The following NFATC2 variants were observed in gnomAD, a reference collection of about 807,000 sequenced individuals.
NFATC2 encodes the protein nuclear factor of activated T-cells, cytoplasmic 2.
In NFATC2, 22 loss-of-function variants were observed where a neutral mutation model predicts 87.3. The ratio of observed to expected loss-of-function variants is 0.25; its 90% CI spans 0.18 to 0.36. The LOEUF (loss-of-function observed/expected upper bound fraction) is 0.36, where lower values mean the gene tolerates loss of function less well. Among genes scored for constraint, NFATC2 ranks in the 10% least tolerant of loss-of-function variants. The pLI is 1.00. For synonymous variants in NFATC2, 565 were observed against 542.2 expected (o/e 1.04, Z -0.58); for missense variants, 1,149 against 1,259.1 (o/e 0.91, Z 1.32).
intron 9 of NFATC2, 33 bp from the exon 10 acceptor site, chr20:51,398,763 G>GGA: frequency 8.0e-7 from 1 of 1,248,994 alleles, no homozygotes; most frequent in Non-Finnish European, 1.1e-6. Flanking sequence ...TTTTTGAGAA[G>GGA]AAAAAAAAAA....
chr20:51,452,315 G>C (rs1985900553), intron 6 of NFATC2, among the ~76,000 whole-genome samples: 1 of 152,100 alleles, frequency 6.6e-6, no homozygotes, highest in Non-Finnish European at 1.5e-5. Flanking sequence ...AGACTCCCCT[G>C]GTTCTCCTCC....
chr20:51,488,211 G>A (rs923735848), intron 3 of NFATC2, among the ~76,000 whole-genome samples: 11 of 152,186 alleles, frequency 7.2e-5, no homozygotes, highest in African/African-American at 2.7e-4. Flanking sequence ...GCTGAAGGCT[G>A]TCCTTCAGGA....
rs1989714978 is a variant in NFATC2, at chr20:51,486,421, C to T, written c.1333-10761G>A. 2.6e-5 allele frequency among the ~76,000 whole-genome samples: 4 copies of T among 152,276 alleles called. No individual in the cohort carries two copies. In the South Asian group the frequency reaches 8.3e-4, roughly 32 times the overall value. On this transcript the variant is annotated intron_variant, in intron 3 of 10. Coordinates refer to ENST00000371564, the MANE Select transcript of NFATC2 (RefSeq NM_012340.5). Reference sequence around the variant, plus strand: ...CTAGAACATTCTTCCCCTGGGTCTTCCCACAGCTGGTTCCTCCTGATCCTT... The same window carrying T: ...CTAGAACATTCTTCCCCTGGGTCTTTCCACAGCTGGTTCCTCCTGATCCTT...
chr20:51,505,459 GTA>G lies in NFATC2; in HGVS notation c.1332+11323_1332+11324del, dbSNP rs938401786. On this transcript the variant is annotated intron_variant, in intron 3 of 10. Coordinates refer to ENST00000371564, the MANE Select transcript of NFATC2 (RefSeq NM_012340.5). ...ATTGTATATATATGTGTAGGTGTGTGTATATATATATATATGAATATATATAA... is the reference window on the plus strand; with the variant it reads ...ATTGTATATATATGTGTAGGTGTGTGTATATATATATATGAATATATATAA... Among the ~76,000 whole-genome samples the G allele has an allele frequency of 3.3e-4, 36 of 108,348 alleles. 1 individual carries two copies. The highest frequency in any genetic ancestry group is 1.6e-3 in the East Asian group (6 of 3,650). 71.1% of individuals were successfully genotyped at this position (108,348 alleles called of 152,430 possible).
Position 51,387,077 on chromosome 20 carries a change from T to C in NFATC2, c.*4419A>G, listed in dbSNP as rs1316060912. The C allele has an allele frequency of 6.6e-6, 1 of 152,194 alleles. No homozygotes were observed. The highest frequency in any genetic ancestry group is 1.5e-5 in the Non-Finnish European group (1 of 68,030). The allele number at this position is 152,194 out of a possible 1,614,324, so 9.4% of individuals were successfully genotyped here. ...GAGATTAAAAACATTTGCATAGGAATGTGATGTATTCAAACGCCTTTAACA... is the reference window on the plus strand; with the variant it reads ...GAGATTAAAAACATTTGCATAGGAACGTGATGTATTCAAACGCCTTTAACA... On this transcript the variant is annotated 3_prime_UTR_variant, in exon 11 of 11. Transcript: ENST00000371564.
chr20:51,477,506 C>CAT (rs1024622710), intron 3 of NFATC2, among the ~76,000 whole-genome samples: 35 of 127,518 alleles, frequency 2.7e-4, no homozygotes, highest in African/African-American at 7.7e-4. Flanking sequence ...TATATATACA[C>CAT]ATATATATAT....
Position 51,553,843 on chromosome 20 carries a change from G to A in NFATC2, c.70+8717C>T, listed in dbSNP as rs866959051. On this transcript the variant is annotated intron_variant, in intron 1 of 10. Coordinates refer to the NFATC2 transcript ENST00000414705. ...GGGGCAGGGTGGGTAGGGCTGGTTC[G>A]TTAGGGGATAGAGTATTGGTTAATA... Among the ~76,000 whole-genome samples the A allele has an allele frequency of 2.6e-4, 39 of 152,086 alleles. 1 individual carries two copies. Among genetic ancestry groups the A allele is most frequent in the Middle Eastern group, 3.4e-3 (1 of 294 alleles).
chr20:51,460,724 C>T (rs528082264), intron 5 of NFATC2, among the ~76,000 whole-genome samples: 5 of 151,938 alleles, frequency 3.3e-5, no homozygotes, highest in African/African-American at 9.6e-5. Context: ...CCGCACGCCT[C>T]GCCCTCCCAA....
intron 2 of NFATC2, among the ~76,000 whole-genome samples, chr20:51,518,184 C>T (rs1377700353): frequency 6.6e-6 from 1 of 152,198 alleles, no homozygotes; most frequent in Admixed American, 6.5e-5. Flanking sequence ...TTTCTAACTG[C>T]TGTCCCTTCT....
chr20:51,408,512 T>TAAAAA (rs11480882), intron 9 of NFATC2, among the ~76,000 whole-genome samples: 3 of 137,260 alleles, frequency 2.2e-5, no homozygotes, highest in East Asian at 2.1e-4. Flanking sequence ...AGACTCTTTT[T>TAAAAA]AAAAAAAAAA....
intron 1 of NFATC2, among the ~76,000 whole-genome samples, chr20:51,559,671 C>T (rs1164667534): frequency 5.3e-5 from 8 of 152,202 alleles, no homozygotes; most frequent in Non-Finnish European, 1.0e-4. Flanking sequence ...AGCCCCTTGT[C>T]CTACTCCAGT....
intron 8 of NFATC2, among the ~76,000 whole-genome samples, chr20:51,433,950 C>T (rs1323414221): frequency 6.6e-6 from 1 of 152,130 alleles, no homozygotes; most frequent in African/African-American, 2.4e-5. Context: ...CCACACTCAA[C>T]CAGACAAGAG....
At chr20:51,392,503 G>A (rs1338641178) in intron 10 of NFATC2, among the ~76,000 whole-genome samples, 2 of 152,162 alleles carry the variant, frequency 1.3e-5, no homozygotes, top group African/African-American at 2.4e-5. Flanking sequence ...AACATTCTTG[G>A]AAAGAAGAAG....
At chr20:51,425,397 G>A (rs1015132692) in intron 9 of NFATC2, among the ~76,000 whole-genome samples, 5 of 152,334 alleles carry the variant, frequency 3.3e-5, no homozygotes, top group South Asian at 2.1e-4. Context: ...CAAGGCCTAC[G>A]CTGAGATACT....
rs1416661627 is a variant in NFATC2 at position 51,390,014 on chromosome 20, C to T, written c.*1482G>A. 1 of 152,188 alleles carries T rather than the reference C, an allele frequency of 6.6e-6. No individual in the cohort carries two copies. The highest frequency in any genetic ancestry group is 1.5e-5 in the Non-Finnish European group (1 of 68,034). The allele number at this position is 152,188 out of a possible 1,614,324, so 9.4% of individuals were successfully genotyped here. The stretch of plus-strand genomic sequence containing the variant: ...TATCTGCAGTACATGCAAACAGAAA[C>T]AAACACATCTGCCAAGAACTTCAAG... On this transcript the variant is annotated 3_prime_UTR_variant, in exon 11 of 11. Coordinates refer to ENST00000371564, the MANE Select transcript of NFATC2 (RefSeq NM_012340.5).
intron 3 of NFATC2, among the ~76,000 whole-genome samples, chr20:51,513,035 A>G (rs1242877146): frequency 6.6e-6 from 1 of 152,156 alleles, no homozygotes; most frequent in African/African-American, 2.4e-5. Flanking sequence ...TTTTTTTTAA[A>G]CTGACTTCCC....
intron 9 of NFATC2, among the ~76,000 whole-genome samples, chr20:51,427,976 T>C (rs1475762132): frequency 6.6e-6 from 1 of 152,180 alleles, no homozygotes; most frequent in African/African-American, 2.4e-5. Flanking sequence ...TTTGTTCACT[T>C]AGTGGATCCC....
intron 3 of NFATC2, among the ~76,000 whole-genome samples, chr20:51,503,936 C>T (rs948222396): frequency 2.0e-5 from 3 of 152,194 alleles, no homozygotes; most frequent in Admixed American, 6.5e-5. Context: ...CTCTGCCTCT[C>T]GGGTCCAAGC....
chr20:51,474,400 T>C (rs1447517711), intron 4 of NFATC2, among the ~76,000 whole-genome samples: 4 of 152,142 alleles, frequency 2.6e-5, no homozygotes, highest in African/African-American at 9.7e-5. Flanking sequence ...CTCAAAAACA[T>C]CTGAAAAACT....
Sources: gnomAD v4.1 joint callset for allele counts (sites outside exome capture counted in the v4.1 genomes callset) on GRCh38, gnomAD v4.1.1 for gene constraint, MANE v1.5 for transcripts, NCBI Gene and HGNC (gene_info 2026-07-23, HGNC 2026-07-21) for gene names.